MCM2: variants seen among roughly 807,000 people sequenced by gnomAD.
MCM2 encodes the protein DNA replication licensing factor MCM2.
A neutral mutation model predicts 86.4 loss-of-function variants in MCM2; 49 were observed. The observed-to-expected ratio is 0.57, with a 90% confidence interval of 0.45 to 0.72. The LOEUF (loss-of-function observed/expected upper bound fraction) is 0.72. Ranked by LOEUF, MCM2 falls within the 30% of genes least tolerant of loss-of-function variation. The pLI, the probability that MCM2 is intolerant of heterozygous loss-of-function variation, is 0.00. For missense variants in MCM2, 1,038 were observed against 1,259.9 expected (o/e 0.82, Z 2.67); for synonymous variants, 475 against 484.6 (o/e 0.98, Z 0.26).
intron 2 of MCM2, among the ~76,000 whole-genome samples, chr3:127,600,701 C>A (rs1351205284): frequency 6.6e-6 from 1 of 152,026 alleles, no homozygotes; most frequent in Non-Finnish European, 1.5e-5. Context: ...CTTTCCTGTT[C>A]TGCCTGATGG....
rs1326913375 is a variant in MCM2 at position 127,606,410 on chromosome 3, C to T, written c.893+73C>T. On this transcript the variant is annotated intron_variant, in intron 5 of 15. Coordinates refer to ENST00000265056, the MANE Select transcript of MCM2 (RefSeq NM_004526.4). The surrounding 1 kb of genome is among the most constrained non-coding windows in gnomAD (Gnocchi z 4.2). ...TGACTCGGTCGTGATTCCTGAAGAG[C>T]GATTGTGGTGTGGGCGGGGAGGGTG... The T allele has an allele frequency of 9.4e-6, 14 of 1,484,148 alleles. No homozygotes were observed. The highest frequency in any genetic ancestry group is 3.6e-5 in the Admixed American group (2 of 55,980). The allele number at this position is 1,484,148 out of a possible 1,614,324, so 91.9% of individuals were successfully genotyped here. A position where few individuals can be genotyped will look rare whatever the true frequency, so the allele number is the denominator to read the frequency against.
At chr3:127,616,053 G>A in intron 9 of MCM2, 98 bp downstream of exon 9, 2 of 988,958 alleles carry the variant, frequency 2.0e-6, no homozygotes, top group Non-Finnish European at 3.2e-6. Flanking sequence ...CCTGGGTGCT[G>A]GGGAGAAAGA....
Position 127,617,081 on chromosome 3 carries a change from C to G in MCM2, c.1736C>G (p.Ala579Gly), listed in dbSNP as rs757772331. Residue 579 changes from alanine to glycine, a missense_variant, in exon 10 of 16, where the codon GCT (alanine) becomes GGT (glycine). By Grantham distance (60) the Ala-to-Gly change is moderately conservative. This residue lies in a region of MCM2 where 399 missense variants were observed against 507.2 expected (regional missense o/e 0.79). Coordinates refer to ENST00000265056, the MANE Select transcript of MCM2 (RefSeq NM_004526.4). This position sits in a 1 kb window ranked among gnomAD's most constrained non-coding sequence, Gnocchi z 4.1. The part of the protein sequence containing the change: ...WTLEAGALVL[A>G]DRGVCLIDEF... ...TTGGAGGCTGGGGCCCTGGTTCTGG[C>G]TGACCGAGGAGTGTGTCTCATTGAT... 6.8e-6 allele frequency: 11 copies of G among 1,614,028 alleles called. No homozygotes were observed. The highest frequency in any genetic ancestry group is 1.3e-5 in the African/African-American group (1 of 74,922).
Position 127,599,461 on chromosome 3 carries a change from G to T in MCM2, c.150G>T (p.Glu50Asp), listed in dbSNP as rs1352111513. ...CTGGCCGTGACCTTCCACCATTTGA[G>T]GATGAGTCCGAGGGGCTCCTAGGCA... ...SSPGRDLPPFEDESEGLLGTE... is the reference protein window; with the variant it reads ...SSPGRDLPPFDDESEGLLGTE... Residue 50 changes from glutamate (E) to aspartate (D), a missense_variant, in exon 2 of 16, where the codon GAG becomes GAT. Physicochemically the swap from Glu to Asp is conservative, Grantham distance 45. Transcript: ENST00000265056. 1 of 1,614,070 alleles carries T rather than the reference G, an allele frequency of 6.2e-7. No homozygotes were observed. Among genetic ancestry groups the T allele is most frequent in the Non-Finnish European group, 8.5e-7 (1 of 1,180,048 alleles).
At chr3:127,612,797 A>C (rs2074409302) in intron 8 of MCM2, among the ~76,000 whole-genome samples, 1 of 152,154 alleles carries the variant, frequency 6.6e-6, no homozygotes, top group Non-Finnish European at 1.5e-5. Flanking sequence ...GCACACCTAG[A>C]GCCAGGAGGA....
chr3:127,599,468 T>C lies in MCM2; in HGVS notation c.157T>C (p.Ser53Pro). 1 of 1,613,882 alleles carries C rather than the reference T, an allele frequency of 6.2e-7. No homozygotes were observed. The highest frequency in any genetic ancestry group is 1.1e-5 in the South Asian group (1 of 91,068). The change falls in exon 2 of 16, where the codon TCC (serine) becomes CCC (proline). Residue 53 changes from serine (S) to proline (P), a missense_variant. Around this residue, in one of 4 missense-constraint regions of MCM2, gnomAD observed 300 missense variants for 307.4 expected, o/e 0.98. Transcript: ENST00000265056. ...GRDLPPFEDE[S>P]EGLLGTEGPL... ...TGACCTTCCACCATTTGAGGATGAG[T>C]CCGAGGGGCTCCTAGGCACAGAGGG...
rs572544427 is a variant in MCM2, at chr3:127,618,749, A to T, written c.2014-278A>T. ...CTAGAGGCATCTCCTTGGTCCCTTG[A>T]TCCTATCACTCTATTTTTCTTCTGA... On this transcript the variant is annotated intron_variant, in intron 12 of 15. Coordinates refer to ENST00000265056, the MANE Select transcript of MCM2 (RefSeq NM_004526.4). This position sits in a 1 kb window ranked among gnomAD's most constrained non-coding sequence, Gnocchi z 4.0. Among the ~76,000 whole-genome samples the T allele has an allele frequency of 5.9e-5, 9 of 152,088 alleles. No individual in the cohort carries two copies. The South Asian group carries it at 1.9e-3, about 32-fold the overall frequency.
intron 8 of MCM2, among the ~76,000 whole-genome samples, chr3:127,614,295 A>G (rs1346406145): frequency 6.6e-6 from 1 of 152,252 alleles, no homozygotes; most frequent in African/African-American, 2.4e-5. Flanking sequence ...CAATACCATT[A>G]TCTCACTTTA....
In MCM2 at chr3:127,611,721, C is replaced by T. The variant is rs867989480; in HGVS notation, c.1428+2698C>T. ...TTTTTTTTTTTTTTTTTTTTTGAGA[C>T]GGAGTCTCGCTCTGTCGCCCAGGCT... is the stretch of plus-strand genomic sequence containing the variant. On this transcript the variant is annotated intron_variant, in intron 8 of 15. Transcript: ENST00000265056. Among the ~76,000 whole-genome samples the T allele has an allele frequency of 5.8e-3, 455 of 78,816 alleles. 7 individuals are homozygous for T. Among genetic ancestry groups the T allele is most frequent in the African/African-American group, 0.024 (420 of 17,318 alleles). 51.7% of individuals were successfully genotyped at this position (78,816 alleles called of 152,430 possible).
intron 15 of MCM2, 139 bp downstream of exon 15, chr3:127,621,367 T>C: frequency 9.9e-7 from 1 of 1,011,940 alleles, no homozygotes; most frequent in Non-Finnish European, 1.4e-6. Flanking sequence ...TTACAGTCTG[T>C]TGAGTCCAGT....
In MCM2 at chr3:127,606,636, G is replaced by A; in HGVS notation, c.920G>A (p.Arg307His). The change falls in exon 6 of 16, where the codon CGC (arginine) becomes CAC (histidine). Residue 307 changes from arginine (R) to histidine (H), a missense_variant. This residue lies in a region of MCM2 where 399 missense variants were observed against 507.2 expected (regional missense o/e 0.79). Coordinates refer to ENST00000265056, the MANE Select transcript of MCM2 (RefSeq NM_004526.4). This position sits in a 1 kb window ranked among gnomAD's most constrained non-coding sequence, Gnocchi z 4.2. Reference sequence around the variant, plus strand: ...CAGCTGCATCTGAACCAGCTGATCCGCACCAGTGGGGTGGTGACCAGCTGC... The same window carrying A: ...CAGCTGCATCTGAACCAGCTGATCCACACCAGTGGGGTGGTGACCAGCTGC... ...LRQLHLNQLI[R>H]TSGVVTSCTG... 1 of 1,614,080 alleles carries A rather than the reference G, an allele frequency of 6.2e-7. No individual in the cohort carries two copies. The highest frequency in any genetic ancestry group is 1.1e-5 in the South Asian group (1 of 91,088).
chr3:127,605,607 AT>A (rs1180191104), intron 4 of MCM2, among the ~76,000 whole-genome samples: 113 of 144,642 alleles, frequency 7.8e-4, no homozygotes, highest in Non-Finnish European at 7.3e-4. Flanking sequence ...TGCCTGACTA[AT>A]TTTTTTTTTT....
intron 2 of MCM2, among the ~76,000 whole-genome samples, chr3:127,602,797 G>A (rs2074314573): frequency 6.6e-6 from 1 of 152,216 alleles, no homozygotes; most frequent in South Asian, 2.1e-4. Context: ...ATGGAAGCCA[G>A]GACATCAGGT....
chr3:127,620,952 T>C, intron 14 of MCM2, 72 bp downstream of exon 14: 1 of 1,568,774 alleles, frequency 6.4e-7, no homozygotes, highest in Non-Finnish European at 8.7e-7. Context: ...TATCCAGGGC[T>C]CTGGCCTGGA....
chr3:127,605,192 A>G, intron 4 of MCM2, 36 bp downstream of exon 4: 1 of 1,599,900 alleles, frequency 6.3e-7, no homozygotes, highest in Non-Finnish European at 8.5e-7. Context: ...CAGCCCCTGT[A>G]GCGCCTCCCT....
chr3:127,606,855 AG>A lies in MCM2; in HGVS notation c.1101+42del. On this transcript the variant is annotated intron_variant, in intron 6 of 15. Coordinates refer to ENST00000265056, the MANE Select transcript of MCM2 (RefSeq NM_004526.4). The surrounding 1 kb of genome is among the most constrained non-coding windows in gnomAD (Gnocchi z 4.2). ...ACAAGGTCTGCTGCCAGCTGTCCTT[AG>A]GGGTGCCCAGTATGCAGGACCTGAC... 1 of 1,599,854 alleles carries A rather than the reference AG, an allele frequency of 6.3e-7. No individual in the cohort carries two copies. The highest frequency in any genetic ancestry group is 1.1e-5 in the South Asian group (1 of 90,794).
chr3:127,603,138 C>G (rs2074316959), intron 2 of MCM2, among the ~76,000 whole-genome samples: 1 of 150,314 alleles, frequency 6.7e-6, no homozygotes, highest in Admixed American at 6.7e-5. Context: ...GTAGCTGGGA[C>G]TACAGGCGCC....
rs375722226 is a variant in MCM2, at chr3:127,605,102, G to A, written c.619G>A (p.Val207Ile). 8.7e-6 allele frequency: 14 copies of A among 1,613,892 alleles called. No individual in the cohort carries two copies. The highest frequency in any genetic ancestry group is 8.3e-5 in the Admixed American group (5 of 59,992). Reference protein sequence around the residue: ...HRFKNFLRTHVDSHGHNVFKE... With the variant: ...HRFKNFLRTHIDSHGHNVFKE... ...CTTCAAGAACTTCCTGCGCACTCAC[G>A]TCGACAGCCACGGCCACAACGTCTT... The change falls in exon 4 of 16, where the codon GTC (valine) becomes ATC (isoleucine). Residue 207 changes from valine to isoleucine, a missense_variant. Coordinates refer to ENST00000265056, the MANE Select transcript of MCM2 (RefSeq NM_004526.4).
rs750792235 is a variant in MCM2 at position 127,608,846 on chromosome 3, C to T, written c.1251C>T (p.Ile417=). 4 of 1,614,176 alleles carry T rather than the reference C, an allele frequency of 2.5e-6. No homozygotes were observed. Among genetic ancestry groups the T allele is most frequent in the Non-Finnish European group, 3.4e-6 (4 of 1,179,998 alleles). ...KPGDEIELTG[I]YHNNYDGSLN... ...CCTTTCCCCAGGAGCTGACTGGCAT[C>T]TATCACAACAACTATGATGGCTCCC... Residue 417 remains isoleucine, a synonymous_variant, in exon 8 of 16, where the codon ATC becomes ATT. Coordinates refer to ENST00000265056, the MANE Select transcript of MCM2 (RefSeq NM_004526.4).
Sources: gnomAD v4.1 joint callset for allele counts (sites outside exome capture counted in the v4.1 genomes callset) on GRCh38, gnomAD v4.1.1 for gene constraint, gnomAD v4.1.1 regional missense constraint, Gnocchi (gnomAD v3.1) non-coding constraint, MANE v1.5 for transcripts, NCBI Gene and HGNC (gene_info 2026-07-23, HGNC 2026-07-21) for gene names.